HNRNPAB: variants seen among roughly 807,000 people sequenced by gnomAD.
HNRNPAB encodes heterogeneous nuclear ribonucleoprotein A/B, also known as ABBP-1.
Under a neutral mutation model 44.1 loss-of-function variants are expected in HNRNPAB, and 17 were observed. That is an observed-to-expected ratio of 0.39 (90% CI 0.26 to 0.58). The LOEUF is 0.58. HNRNPAB is among the 20% of genes least tolerant of loss of function. The probability of loss-of-function intolerance (pLI) is 0.63; values close to 1 mark genes in which losing one functional copy is unlikely to be tolerated. For synonymous variants in HNRNPAB, 183 were observed against 167.6 expected (o/e 1.09, Z -0.71); for missense variants, 393 against 432.7 (o/e 0.91, Z 0.81).
chr5:178,204,752 CCGGCGGG>C lies in HNRNPAB; in HGVS notation c.-24+16_-24+22del. Reference sequence around the variant, plus strand: ...TCATCGGCGGCGAGGTGAGCGGCGGCCGGCGGGCGGGAGCTCTGGCGGGAGCCGCGCC... The same window carrying C: ...TCATCGGCGGCGAGGTGAGCGGCGGCCGGGAGCTCTGGCGGGAGCCGCGCC... On this transcript the variant is annotated intron_variant, in intron 1 of 7. Coordinates refer to ENST00000358344, the MANE Select transcript of HNRNPAB (RefSeq NM_031266.3). The C allele has an allele frequency of 2.3e-6, 2 of 875,968 alleles. No individual in the cohort carries two copies. The highest frequency in any genetic ancestry group is 1.1e-4 in the South Asian group (2 of 17,758). 54.3% of individuals were successfully genotyped at this position (875,968 alleles called of 1,614,324 possible). A position where few individuals can be genotyped will look rare whatever the true frequency, so the allele number is the denominator to read the frequency against.
chr5:178,208,153 C>T (rs1172583048), intron 5 of HNRNPAB, among the ~76,000 whole-genome samples: 1 of 152,140 alleles, frequency 6.6e-6, no homozygotes, highest in African/African-American at 2.4e-5. Flanking sequence ...GTAGTTCAGG[C>T]TTCAAGTTGG....
chr5:178,210,301 GCTCACCC>G, intron 7 of HNRNPAB, 29 bp downstream of exon 7: 1 of 1,613,670 alleles, frequency 6.2e-7, no homozygotes, highest in African/African-American at 1.3e-5. Context: ...GGCCCCATCC[GCTCACCC>G]CTCGTCCCCA....
Position 178,210,982 on chromosome 5 carries a change from C to A in HNRNPAB, c.*359C>A. The stretch of plus-strand genomic sequence containing the variant: ...GAAACCAGTGTCACCTTTTTTTCAC[C>A]TTTTAATTTTATATTATTTGCGTCA... On this transcript the variant is annotated 3_prime_UTR_variant, in exon 8 of 8. Transcript: ENST00000358344. The A allele has an allele frequency of 3.9e-6, 1 of 253,890 alleles. No homozygotes were observed. Among genetic ancestry groups the A allele is most frequent in the Non-Finnish European group, 7.5e-6 (1 of 132,678 alleles). 15.7% of individuals were successfully genotyped at this position (253,890 alleles called of 1,614,324 possible). A position where few individuals can be genotyped will look rare whatever the true frequency, so the allele number is the denominator to read the frequency against.
chr5:178,205,259 G>A (rs2113531671), intron 2 of HNRNPAB, among the ~76,000 whole-genome samples: 1 of 151,102 alleles, frequency 6.6e-6, no homozygotes, highest in East Asian at 1.9e-4. Flanking sequence ...GCGCCGCCCC[G>A]GGGCCGCTCG....
chr5:178,210,930 G>T lies in HNRNPAB; in HGVS notation c.*307G>T. 2.6e-6 allele frequency: 1 copy of T among 387,978 alleles called. No homozygotes were observed. The allele number at this position is 387,978 out of a possible 1,614,324, so 24.0% of individuals were successfully genotyped here. A position where few individuals can be genotyped will look rare whatever the true frequency, so the allele number is the denominator to read the frequency against. Reference sequence around the variant, plus strand: ...TCTGCAGCCTGGACCTGTGGACCCTGGTTGTAAAGAGTAAATTGTATCTTA... The same window carrying T: ...TCTGCAGCCTGGACCTGTGGACCCTTGTTGTAAAGAGTAAATTGTATCTTA... On this transcript the variant is annotated 3_prime_UTR_variant, in exon 8 of 8. Transcript: ENST00000358344.
intron 5 of HNRNPAB, among the ~76,000 whole-genome samples, chr5:178,207,919 C>T (rs1338535358): frequency 6.6e-6 from 1 of 152,010 alleles, no homozygotes. Flanking sequence ...CTCAAGCCAT[C>T]CTCTGCCTTG....
intron 2 of HNRNPAB, 104 bp downstream of exon 2, chr5:178,205,150 G>A: frequency 1.2e-6 from 1 of 816,760 alleles, no homozygotes; most frequent in Non-Finnish European, 1.6e-6. Context: ...CCCGGGTCGG[G>A]GCTGGTGCGG....
intron 4 of HNRNPAB, 31 bp downstream of exon 4, chr5:178,206,921 C>T: frequency 1.2e-6 from 2 of 1,612,290 alleles, no homozygotes; most frequent in East Asian, 2.2e-5. Context: ...AGCCCATCAG[C>T]TGCCCCTAAG....
Position 178,207,173 on chromosome 5 carries a change from A to C in HNRNPAB, c.617A>C (p.Glu206Ala), listed in dbSNP as rs1467459335. The C allele has an allele frequency of 2.5e-6, 4 of 1,614,180 alleles. No individual in the cohort carries two copies. Among genetic ancestry groups the C allele is most frequent in the South Asian group, 1.1e-5 (1 of 91,082 alleles). Residue 206 changes from glutamate to alanine, a missense_variant, in exon 5 of 8, where the codon GAA becomes GCA. Glu to Ala is a moderately radical substitution (Grantham distance 107). Transcript: ENST00000358344. The stretch of plus-strand genomic sequence containing the variant: ...GTGTTTATCACCTTTAAAGAAGAAG[A>C]ACCCGTGAAGAAGGTTCTGGAGAAA... Reference protein sequence around the residue: ...GFVFITFKEEEPVKKVLEKKF... With the variant: ...GFVFITFKEEAPVKKVLEKKF...
At position 178,210,262 on chromosome 5, in the gene HNRNPAB, C is replaced by G. The variant is rs1757810514; in HGVS notation, c.918C>G (p.Gly306=). Residue 306 remains glycine (G), a synonymous_variant, in exon 7 of 8, where the codon GGC becomes GGG. Transcript: ENST00000358344. Reference sequence around the variant, plus strand: ...ATGGCTATTACGGCTACGGCCCCGGCTACGACTACAGTAAGTAGGAGAGAG... The same window carrying G: ...ATGGCTATTACGGCTACGGCCCCGGGTACGACTACAGTAAGTAGGAGAGAG... ...SPYGYYGYGP[G]YDYSQGSTNY... The G allele has an allele frequency of 6.2e-7, 1 of 1,614,072 alleles. No individual in the cohort carries two copies. The highest frequency in any genetic ancestry group is 8.5e-7 in the Non-Finnish European group (1 of 1,179,972).
At chr5:178,206,085 T>C (rs551508359) in intron 3 of HNRNPAB, 75 bp downstream of exon 3, 880 of 1,403,696 alleles carry the variant, frequency 6.3e-4, no homozygotes, top group Non-Finnish European at 7.4e-4. Flanking sequence ...TCTTAAAGCA[T>C]GACTAGTTTG....
At chr5:178,209,545 T>C (rs1757533001) in intron 6 of HNRNPAB, 98 bp downstream of exon 6, 1 of 1,031,000 alleles carries the variant, frequency 9.7e-7, no homozygotes, top group South Asian at 1.4e-5. Flanking sequence ...GCAGCAGGGG[T>C]GGGCAGATTG....
rs367725199 is a variant in HNRNPAB at position 178,210,127 on chromosome 5, C to T, written c.788-5C>T. ...ACGGGCCCCTGTGCCCTGCTCCCCC[C>T]ACAGGTCAGAGTCAGAGTTGGAATC... On this transcript the variant is annotated splice_polypyrimidine_tract_variant and splice_region_variant and intron_variant, in intron 6 of 7. Transcript: ENST00000358344. 5.0e-6 allele frequency: 8 copies of T among 1,613,966 alleles called. No individual in the cohort carries two copies. Among genetic ancestry groups the T allele is most frequent in the Non-Finnish European group, 5.1e-6 (6 of 1,179,994 alleles).
Position 178,210,715 on chromosome 5 carries a change from T to G in HNRNPAB, c.*92T>G. The G allele has an allele frequency of 3.2e-6, 3 of 939,542 alleles. No homozygotes were observed. Among genetic ancestry groups the G allele is most frequent in the South Asian group, 2.7e-5 (2 of 75,192 alleles). The allele number at this position is 939,542 out of a possible 1,614,324, so 58.2% of individuals were successfully genotyped here. A position where few individuals can be genotyped will look rare whatever the true frequency, so the allele number is the denominator to read the frequency against. The stretch of plus-strand genomic sequence containing the variant: ...TGTACCAAATTTAACTTGGCAAACT[T>G]TCTATTGCCTGTCCCATGTGCATCT... On this transcript the variant is annotated 3_prime_UTR_variant, in exon 8 of 8. Coordinates refer to ENST00000358344, the MANE Select transcript of HNRNPAB (RefSeq NM_031266.3).
At chr5:178,207,063 T>C (rs1757096566) in intron 4 of HNRNPAB, 31 bp from the exon 5 acceptor site, 2 of 1,613,102 alleles carry the variant, frequency 1.2e-6, no homozygotes, top group Non-Finnish European at 1.7e-6. Flanking sequence ...TAGGGAGGTA[T>C]TGGGCCTGAG....
At chr5:178,205,557 A>G in intron 2 of HNRNPAB, 1 of 322,132 alleles carries the variant, frequency 3.1e-6, no homozygotes, top group African/African-American at 2.1e-5. Context: ...ATGGTTGTAG[A>G]ACACATGAAT....
chr5:178,211,048 T>C lies in HNRNPAB; in HGVS notation c.*425T>C, dbSNP rs1334402397. ...GGAAGTGTTAATTTTACTGTACTTT[T>C]TGGTACCTTTTGGGAATCTAATGTA... On this transcript the variant is annotated 3_prime_UTR_variant, in exon 8 of 8. Transcript: ENST00000358344. The C allele has an allele frequency of 5.1e-6, 1 of 194,554 alleles. No individual in the cohort carries two copies. The allele number at this position is 194,554 out of a possible 1,614,324, so 12.1% of individuals were successfully genotyped here.
chr5:178,204,908 C>G lies in HNRNPAB; in HGVS notation c.71C>G (p.Pro24Arg). 1.7e-6 allele frequency: 2 copies of G among 1,211,232 alleles called. No homozygotes were observed. Among genetic ancestry groups the G allele is most frequent in the South Asian group, 4.1e-5 (1 of 24,250 alleles). The allele number at this position is 1,211,232 out of a possible 1,614,324, so 75.0% of individuals were successfully genotyped here. The change falls in exon 2 of 8, where the codon CCC becomes CGC. Residue 24 changes from proline to arginine, a missense_variant. By Grantham distance (103) the Pro-to-Arg change is moderately radical. This residue lies in a region of HNRNPAB where 81 missense variants were observed against 73.4 expected (regional missense o/e 1.10). Coordinates refer to ENST00000358344, the MANE Select transcript of HNRNPAB (RefSeq NM_031266.3). ...GATENGHEAVPEGESPAGAGT... is the reference protein window; with the variant it reads ...GATENGHEAVREGESPAGAGT... ...ACCGAGAACGGACATGAGGCCGTCC[C>G]CGAAGGCGAGTCGCCGGCCGGGGCT...
intron 3 of HNRNPAB, 63 bp from the exon 4 acceptor site, chr5:178,206,669 A>G (rs1027304021): frequency 1.7e-5 from 26 of 1,516,190 alleles, no homozygotes; most frequent in Non-Finnish European, 2.2e-5. Flanking sequence ...TTTATGGCTT[A>G]GAGAGAAGGG....
Sources: allele counts gnomAD v4.1 joint callset (sites outside exome capture counted in the v4.1 genomes callset), GRCh38; gene constraint gnomAD v4.1.1; regional missense constraint gnomAD v4.1.1; transcripts MANE v1.5; gene names NCBI Gene and HGNC (gene_info 2026-07-23, HGNC 2026-07-21).